CPA6: variants seen among roughly 807,000 people sequenced by gnomAD.
CPA6 encodes carboxypeptidase B.
A neutral mutation model predicts 63.3 loss-of-function variants in CPA6; 58 were observed. The observed-to-expected ratio is 0.92, with a 90% CI of 0.74 to 1.14. The LOEUF (loss-of-function observed/expected upper bound fraction) is 1.14, where lower values mean the gene tolerates loss of function less well. Ranked by LOEUF, CPA6 falls within the 50% of genes most tolerant of loss-of-function variation. The pLI, the probability that CPA6 is intolerant of heterozygous loss-of-function variation, is 0.00. For missense variants in CPA6, 565 were observed against 526.6 expected, an observed-to-expected ratio of 1.07 and a Z score of -0.71; for synonymous variants, 185 against 179.0, an observed-to-expected ratio of 1.03 and a Z score of -0.27.
At chr8:67,602,306 A>G (rs974336764) in intron 2 of CPA6, among the ~76,000 whole-genome samples, 1 of 152,158 alleles carries the variant, frequency 6.6e-6, no homozygotes, top group African/African-American at 2.4e-5. Flanking sequence ...AGAAGCTAGT[A>G]ACACTGCTTG....
At chr8:67,586,654 A>G (rs1203463010) in intron 2 of CPA6, among the ~76,000 whole-genome samples, 1 of 152,188 alleles carries the variant, frequency 6.6e-6, no homozygotes, top group Non-Finnish European at 1.5e-5. Flanking sequence ...TTATGATTAA[A>G]TAAGTCTGTA....
chr8:67,515,435 G>C (rs1192017498), intron 3 of CPA6, among the ~76,000 whole-genome samples: 1 of 152,136 alleles, frequency 6.6e-6, no homozygotes, highest in African/African-American at 2.4e-5. Context: ...TGCCGCATCA[G>C]ACATTTGACT....
chr8:67,723,897 T>A (rs1010590542), intron 1 of CPA6, among the ~76,000 whole-genome samples: 16 of 152,144 alleles, frequency 1.1e-4, no homozygotes, highest in African/African-American at 3.9e-4. Context: ...AAAGAAAAAC[T>A]AATGGTGGAT....
intron 6 of CPA6, among the ~76,000 whole-genome samples, chr8:67,488,391 T>C (rs1207466426): frequency 1.3e-5 from 2 of 152,202 alleles, no homozygotes; most frequent in African/African-American, 4.8e-5. Flanking sequence ...CTGAGGCCCC[T>C]GTTCTGTTCC....
chr8:67,717,131 T>C (rs1388536889), intron 1 of CPA6, among the ~76,000 whole-genome samples: 1 of 152,214 alleles, frequency 6.6e-6, no homozygotes, highest in African/African-American at 2.4e-5. Context: ...GGAAACTTCT[T>C]TCTTTGGTCT....
intron 8 of CPA6, among the ~76,000 whole-genome samples, chr8:67,467,088 A>G (rs1810943179): frequency 6.6e-6 from 1 of 152,194 alleles, no homozygotes; most frequent in Non-Finnish European, 1.5e-5. Context: ...TGCCTTGTTC[A>G]ACATTTGGGT....
At chr8:67,684,507 G>T (rs1372633221) in intron 1 of CPA6, among the ~76,000 whole-genome samples, 2 of 152,136 alleles carry the variant, frequency 1.3e-5, no homozygotes, top group East Asian at 3.9e-4. Flanking sequence ...ATCCCCAGGA[G>T]CCTCACATGT....
intron 1 of CPA6, among the ~76,000 whole-genome samples, chr8:67,677,883 A>G (rs1026550232): frequency 1.3e-5 from 2 of 152,124 alleles, no homozygotes; most frequent in African/African-American, 4.8e-5. Context: ...AGCTTAAAAA[A>G]AAAAAAGAAT....
chr8:67,558,326 T>C (rs192800006), intron 2 of CPA6, among the ~76,000 whole-genome samples: 1 of 152,346 alleles, frequency 6.6e-6, no homozygotes, highest in East Asian at 1.9e-4. Flanking sequence ...GTAGCCTTTA[T>C]CACCATCTGT....
chr8:67,621,962 T>C (rs771080000), intron 2 of CPA6, among the ~76,000 whole-genome samples: 5 of 152,206 alleles, frequency 3.3e-5, no homozygotes, highest in Non-Finnish European at 7.3e-5. Context: ...CTATTTACAG[T>C]CTAGAGCTTT....
rs578073310 is a variant in CPA6 at position 67,450,920 on chromosome 8, C to T, written c.839-16680G>A. On this transcript the variant is annotated intron_variant, in intron 8 of 10. Coordinates refer to ENST00000297770, the MANE Select transcript of CPA6 (RefSeq NM_020361.5). ...TAATCTTAGAAGTAGCTGTGTTTGG[C>T]GGCAGAAGGCTGTAAAAGTGATAGC... Among the ~76,000 whole-genome samples the T allele has an allele frequency of 5.3e-5, 8 of 152,266 alleles. No homozygotes were observed. The South Asian group carries it at 8.3e-4, about 16-fold the overall frequency.
intron 2 of CPA6, among the ~76,000 whole-genome samples, chr8:67,590,038 A>C (rs1329554202): frequency 3.5e-5 from 5 of 142,092 alleles, no homozygotes; most frequent in South Asian, 2.3e-4. Context: ...ATCCCTCCCC[A>C]CTCCCCCCAC....
At chr8:67,455,392 A>G (rs2128956246) in intron 8 of CPA6, among the ~76,000 whole-genome samples, 1 of 152,226 alleles carries the variant, frequency 6.6e-6, no homozygotes, top group Admixed American at 6.5e-5. Flanking sequence ...TACATGTTAT[A>G]AAATTACTTA....
chr8:67,671,132 G>A (rs1023595823), intron 1 of CPA6, among the ~76,000 whole-genome samples: 15 of 152,192 alleles, frequency 9.9e-5, no homozygotes, highest in Non-Finnish European at 1.9e-4. Context: ...GGGAGCCCAG[G>A]GCTGTTTTAA....
chr8:67,692,391 A>C (rs952277382), intron 1 of CPA6, among the ~76,000 whole-genome samples: 3 of 151,952 alleles, frequency 2.0e-5, no homozygotes, highest in African/African-American at 7.3e-5. Context: ...AGGAAGGCAT[A>C]TCTCACTTGC....
At chr8:67,542,477 G>A (rs1027776225) in intron 2 of CPA6, among the ~76,000 whole-genome samples, 3 of 152,288 alleles carry the variant, frequency 2.0e-5, no homozygotes, top group Non-Finnish European at 2.9e-5. Context: ...TACTCATGCA[G>A]GGATTGGAAC....
intron 2 of CPA6, among the ~76,000 whole-genome samples, chr8:67,552,166 A>G (rs1812952836): frequency 6.6e-6 from 1 of 152,226 alleles, no homozygotes; most frequent in Non-Finnish European, 1.5e-5. Context: ...CCTCCCACCT[A>G]TTAAAACAAC....
intron 2 of CPA6, among the ~76,000 whole-genome samples, chr8:67,620,810 A>G (rs1296466878): frequency 6.6e-6 from 1 of 152,214 alleles, no homozygotes; most frequent in Admixed American, 6.5e-5. Context: ...AAATGAAGAA[A>G]TGTACAAAAA....
intron 1 of CPA6, among the ~76,000 whole-genome samples, chr8:67,667,281 G>A (rs1041455366): frequency 7.9e-5 from 12 of 152,102 alleles, no homozygotes; most frequent in South Asian, 2.1e-4. Flanking sequence ...GCCACAGGCC[G>A]CTTGCTGACT....
Sources: gnomAD v4.1 joint callset for allele counts (sites outside exome capture counted in the v4.1 genomes callset) on GRCh38, gnomAD v4.1.1 for gene constraint, MANE v1.5 for transcripts, NCBI Gene and HGNC (gene_info 2026-07-23, HGNC 2026-07-21) for gene names.